Variants in KIF6 observed in about 807,000 individuals in gnomAD.
KIF6 encodes the protein kinesin family member 6.
KIF6 carries 106 observed loss-of-function variants against 112.7 expected under a neutral mutation model. The ratio of observed to expected loss-of-function variants is 0.94; its 90% CI spans 0.80 to 1.11. The LOEUF (loss-of-function observed/expected upper bound fraction) is 1.11. Ranked by LOEUF, KIF6 falls within the 50% of genes least tolerant of loss-of-function variation. The probability of loss-of-function intolerance (pLI) is 0.00; values close to 1 mark genes in which losing one functional copy is unlikely to be tolerated. For synonymous variants in KIF6, 339 were observed against 339.9 expected (o/e 1.00, Z 0.03); for missense variants, 929 against 964.0 (o/e 0.96, Z 0.48).
At chr6:39,674,915 A>G (rs746385841) in intron 3 of KIF6, among the ~76,000 whole-genome samples, 3 of 151,642 alleles carry the variant, frequency 2.0e-5, no homozygotes, top group African/African-American at 2.4e-5. Context: ...AAAGTCTTGC[A>G]GCACAATAAT....
At chr6:39,707,566 G>A in intron 3 of KIF6, among the ~76,000 whole-genome samples, 1 of 152,170 alleles carries the variant, frequency 6.6e-6, no homozygotes, top group East Asian at 1.9e-4. Context: ...CTCTAGCTAG[G>A]CTATCTTCTC....
At chr6:39,619,692 T>C (rs1783710562) in intron 5 of KIF6, among the ~76,000 whole-genome samples, 1 of 152,166 alleles carries the variant, frequency 6.6e-6, no homozygotes, top group African/African-American at 2.4e-5. Flanking sequence ...AAGAATGATC[T>C]ATGATCAGCA....
Position 39,372,154 on chromosome 6 carries a change from C to G in KIF6, c.1862-9636G>C, listed in dbSNP as rs372097593. Reference sequence around the variant, plus strand: ...TTGCAATTACTATATAAAATGACCACTCTTTTTGGTTTGTAATTAACAATG... The same window carrying G: ...TTGCAATTACTATATAAAATGACCAGTCTTTTTGGTTTGTAATTAACAATG... On this transcript the variant is annotated intron_variant, in intron 16 of 22. Coordinates refer to ENST00000287152, the MANE Select transcript of KIF6 (RefSeq NM_145027.6). Among the ~76,000 whole-genome samples, 140 of 152,342 alleles carry G rather than the reference C, an allele frequency of 9.2e-4. No homozygotes were observed. The Middle Eastern group carries it at 0.024, about 26-fold the overall frequency.
chr6:39,627,440 T>C (rs891796764), intron 5 of KIF6, among the ~76,000 whole-genome samples: 2 of 152,208 alleles, frequency 1.3e-5, no homozygotes, highest in Non-Finnish European at 2.9e-5. Context: ...TTAGCAAACA[T>C]GGTGCCTAGC....
intron 13 of KIF6, among the ~76,000 whole-genome samples, chr6:39,535,324 T>C (rs557790004): frequency 1.1e-4 from 16 of 152,102 alleles, no homozygotes; most frequent in Middle Eastern, 3.4e-3. Context: ...ACCCATCTCA[T>C]GTGCAGAGAC....
At chr6:39,575,856 C>A (rs954574860) in intron 10 of KIF6, among the ~76,000 whole-genome samples, 11 of 152,184 alleles carry the variant, frequency 7.2e-5, no homozygotes, top group Admixed American at 7.2e-4. Context: ...TTAGTCTATC[C>A]TTTACTCTTG....
intron 20 of KIF6, among the ~76,000 whole-genome samples, chr6:39,346,061 T>C (rs1466087217): frequency 2.5e-4 from 4 of 15,974 alleles, no homozygotes; most frequent in East Asian, 3.2e-3. Flanking sequence ...TCTCTCTCTC[T>C]CTCTCTCTCT....
At chr6:39,455,889 T>C (rs1474948601) in intron 13 of KIF6, among the ~76,000 whole-genome samples, 1 of 115,404 alleles carries the variant, frequency 8.7e-6, no homozygotes, top group Admixed American at 9.6e-5. Flanking sequence ...CAAATCTACG[T>C]CTGATTGGTG....
chr6:39,688,927 A>G (rs1167208357), intron 3 of KIF6, among the ~76,000 whole-genome samples: 1 of 152,068 alleles, frequency 6.6e-6, no homozygotes, highest in Non-Finnish European at 1.5e-5. Context: ...GCATAGTGAG[A>G]CTCCATCTCT....
chr6:39,716,381 C>A (rs1335406804), intron 2 of KIF6, among the ~76,000 whole-genome samples: 5 of 152,166 alleles, frequency 3.3e-5, no homozygotes, highest in Admixed American at 2.6e-4. Context: ...CCAGATCTCC[C>A]TTTTTATTGA....
chr6:39,449,002 C>T (rs553292651), intron 13 of KIF6, among the ~76,000 whole-genome samples: 9 of 152,290 alleles, frequency 5.9e-5, no homozygotes, highest in Admixed American at 4.6e-4. Flanking sequence ...TTCTTCAACC[C>T]CCACATGCCA....
intron 3 of KIF6, among the ~76,000 whole-genome samples, chr6:39,654,816 GTC>G (rs1341942101): frequency 6.6e-6 from 1 of 152,150 alleles, no homozygotes; most frequent in Non-Finnish European, 1.5e-5. Flanking sequence ...ACTCAACAAT[GTC>G]TCTCACATCA....
At chr6:39,338,078 T>C (rs974492668) in intron 22 of KIF6, among the ~76,000 whole-genome samples, 1 of 152,148 alleles carries the variant, frequency 6.6e-6, no homozygotes, top group African/African-American at 2.4e-5. Context: ...CTGGTAAGAG[T>C]GATATGCAGT....
At chr6:39,461,747 G>A (rs1301655766) in intron 13 of KIF6, among the ~76,000 whole-genome samples, 2 of 151,988 alleles carry the variant, frequency 1.3e-5, no homozygotes, top group South Asian at 4.2e-4. Context: ...ATTTACAAGT[G>A]TAAAATGTAG....
intron 3 of KIF6, among the ~76,000 whole-genome samples, chr6:39,646,286 T>G (rs1360079858): frequency 6.6e-6 from 1 of 151,778 alleles, no homozygotes. Context: ...AGACATGAAT[T>G]ATAGTCCCTC....
chr6:39,499,549 C>T (rs933000422), intron 13 of KIF6, among the ~76,000 whole-genome samples: 1 of 152,092 alleles, frequency 6.6e-6, no homozygotes, highest in Non-Finnish European at 1.5e-5. Flanking sequence ...CAGTTCGTTT[C>T]CTTAACCCCT....
At chr6:39,620,467 T>C (rs1783751384) in intron 5 of KIF6, 1 of 152,192 alleles carries the variant, frequency 6.6e-6, no homozygotes, top group Non-Finnish European at 1.5e-5. Context: ...GTAAATAGCT[T>C]TATACACCTC....
At chr6:39,595,455 G>A (rs1001430404) in intron 7 of KIF6, among the ~76,000 whole-genome samples, 1 of 152,184 alleles carries the variant, frequency 6.6e-6, no homozygotes, top group Non-Finnish European at 1.5e-5. Flanking sequence ...ATGTAGGGCT[G>A]TTGTGACGTT....
At chr6:39,655,023 T>G (rs1380900948) in intron 3 of KIF6, among the ~76,000 whole-genome samples, 1 of 152,222 alleles carries the variant, frequency 6.6e-6, no homozygotes, top group Admixed American at 6.5e-5. Flanking sequence ...TGATAGATAC[T>G]GACAATGATG....
Sources: allele counts gnomAD v4.1 joint callset (sites outside exome capture counted in the v4.1 genomes callset), GRCh38; gene constraint gnomAD v4.1.1; transcripts MANE v1.5; gene names NCBI Gene and HGNC (gene_info 2026-07-23, HGNC 2026-07-21).